Variants in PTPN14 observed in about 807,000 individuals in gnomAD.
PTPN14 encodes the protein tyrosine-protein phosphatase non-receptor type 14.
In PTPN14, 53 loss-of-function variants were observed where a neutral mutation model predicts 126.8. The ratio of observed to expected loss-of-function variants is 0.42; its 90% CI spans 0.34 to 0.53. The LOEUF is 0.53. PTPN14 is among the 20% of genes least tolerant of loss of function. The pLI is 0.08. For missense variants in PTPN14, 1,257 were observed against 1,552.9 expected (o/e 0.81, Z 3.20); for synonymous variants, 630 against 599.3 (o/e 1.05, Z -0.75).
intron 1 of PTPN14, among the ~76,000 whole-genome samples, chr1:214,526,248 G>C (rs929923988): frequency 6.6e-6 from 1 of 152,094 alleles, no homozygotes; most frequent in African/African-American, 2.4e-5. Flanking sequence ...TTACAGGCGT[G>C]AGCCACCACG....
rs140912873 is a variant in PTPN14 at position 214,392,654 on chromosome 1, G to A, written c.929+1041C>T. 2.4e-3 allele frequency among the ~76,000 whole-genome samples: 371 copies of A among 152,240 alleles called. 8 individuals carry two copies. Among genetic ancestry groups the A allele is most frequent in the Admixed American group, 0.018 (277 of 15,290 alleles). On this transcript the variant is annotated intron_variant, in intron 10 of 18. Transcript: ENST00000366956. ...ATGCGAGAATGTGTCTAGAAGAAACGTACAGCCGCTTCACTTGCCACTCCC... is the reference window on the plus strand; with the variant it reads ...ATGCGAGAATGTGTCTAGAAGAAACATACAGCCGCTTCACTTGCCACTCCC...
At chr1:214,438,377 T>A (rs983069701) in intron 3 of PTPN14, among the ~76,000 whole-genome samples, 9 of 152,194 alleles carry the variant, frequency 5.9e-5, no homozygotes, top group African/African-American at 2.2e-4. Flanking sequence ...CTCCCTCATA[T>A]GGGACTGGAA....
In PTPN14 at chr1:214,419,926, C is replaced by T. The variant is rs945730588; in HGVS notation, c.345-5200G>A. Among the ~76,000 whole-genome samples the T allele has an allele frequency of 3.9e-5, 6 of 152,290 alleles. No homozygotes were observed. In the East Asian group the frequency reaches 5.8e-4, roughly 15 times the overall value. ...GTATGCAGGCATGCAACCAGATAAACCTGAATGCCTCCCTCCCTCCATCCC... is the reference window on the plus strand; with the variant it reads ...GTATGCAGGCATGCAACCAGATAAATCTGAATGCCTCCCTCCCTCCATCCC... On this transcript the variant is annotated intron_variant, in intron 3 of 18. Coordinates refer to ENST00000366956, the MANE Select transcript of PTPN14 (RefSeq NM_005401.5).
rs112523432 is a variant in PTPN14, at chr1:214,384,776, T to G, written c.1079A>C (p.His360Pro). 10,341 of 1,611,452 alleles carry G rather than the reference T, an allele frequency of 6.4e-3. 55 individuals are homozygous for G. The highest frequency in any genetic ancestry group is 7.8e-3 in the Non-Finnish European group (9,183 of 1,178,728). Residue 360 changes from histidine to proline, a missense_variant, in exon 13 of 19, where the codon CAT becomes CCT. Physicochemically the swap from His to Pro is moderately conservative, Grantham distance 77 (BLOSUM62 -2). Transcript: ENST00000366956. This position sits in a 1 kb window ranked among gnomAD's most constrained non-coding sequence, Gnocchi z 5.3. ...ETHTSQDSIF[H>P]GNEEALYCNS... is the part of the protein sequence containing the mutation. ...GCAATACAAGGCTTCTTCATTCCCA[T>G]GAAAAATGCTGTCTACAAGAAGTCA...
At chr1:214,542,955 C>G (rs1413220121) in intron 1 of PTPN14, among the ~76,000 whole-genome samples, 1 of 152,066 alleles carries the variant, frequency 6.6e-6, no homozygotes, top group Non-Finnish European at 1.5e-5. Context: ...ACGGTGAGAG[C>G]CAAGCTTGTG....
At chr1:214,420,950 G>A (rs1268588584) in intron 3 of PTPN14, among the ~76,000 whole-genome samples, 1 of 152,228 alleles carries the variant, frequency 6.6e-6, no homozygotes, top group Non-Finnish European at 1.5e-5. Context: ...AAATGAGTCT[G>A]TTTTGATCTG....
At chr1:214,381,321 C>CTAAT (rs1658467338) in intron 13 of PTPN14, among the ~76,000 whole-genome samples, 1 of 152,134 alleles carries the variant, frequency 6.6e-6, no homozygotes, top group African/African-American at 2.4e-5. Flanking sequence ...GTTCTTGATG[C>CTAAT]TAATGTTGCT....
intron 2 of PTPN14, among the ~76,000 whole-genome samples, chr1:214,453,422 C>T (rs2102636984): frequency 6.6e-6 from 1 of 152,322 alleles, no homozygotes; most frequent in African/African-American, 2.4e-5. Context: ...GTCTCAGTAA[C>T]TTTACACAAG....
intron 3 of PTPN14, among the ~76,000 whole-genome samples, chr1:214,427,786 G>GA (rs201161280): frequency 8.0e-5 from 12 of 150,716 alleles, no homozygotes; most frequent in South Asian, 2.1e-4. Flanking sequence ...GCAAAGATCT[G>GA]AAAAAAAAAT....
intron 1 of PTPN14, among the ~76,000 whole-genome samples, chr1:214,540,206 A>C (rs2102481921): frequency 6.6e-6 from 1 of 152,318 alleles, no homozygotes; most frequent in African/African-American, 2.4e-5. Flanking sequence ...GGAGTCTAAA[A>C]GTCAGCCCCA....
chr1:214,424,290 A>AT (rs975709247), intron 3 of PTPN14, among the ~76,000 whole-genome samples: 2 of 149,780 alleles, frequency 1.3e-5, no homozygotes, highest in Admixed American at 6.6e-5. Context: ...GTGAGACTCT[A>AT]TTAAAAAAAA....
intron 18 of PTPN14, among the ~76,000 whole-genome samples, chr1:214,362,075 A>C (rs1229662239): frequency 1.9e-5 from 1 of 51,478 alleles, no homozygotes; most frequent in Non-Finnish European, 3.8e-5. Flanking sequence ...CAGGAGAAAA[A>C]TGGTCCCACA....
At chr1:214,461,056 G>A (rs887688534) in intron 2 of PTPN14, among the ~76,000 whole-genome samples, 2 of 151,958 alleles carry the variant, frequency 1.3e-5, no homozygotes, top group Admixed American at 6.6e-5. Context: ...ACGGGGCCAG[G>A]GGTATATGGA....
chr1:214,384,219 G>C lies in PTPN14; in HGVS notation c.1636C>G (p.Gln546Glu), dbSNP rs1482587888. The C allele has an allele frequency of 1.2e-6, 2 of 1,613,074 alleles. No individual in the cohort carries two copies. Among genetic ancestry groups the C allele is most frequent in the African/African-American group, 2.7e-5 (2 of 74,926 alleles). The change falls in exon 13 of 19, where the codon CAG (glutamine) becomes GAG (glutamate). Residue 546 changes from glutamine (Q) to glutamate (E), a missense_variant. Physicochemically the swap from Gln to Glu is conservative, Grantham distance 29. This residue lies in a region of PTPN14 where 1,021 missense variants were observed against 1,183.3 expected (regional missense o/e 0.86). Coordinates refer to ENST00000366956, the MANE Select transcript of PTPN14 (RefSeq NM_005401.5). The surrounding 1 kb of genome is among the most constrained non-coding windows in gnomAD (Gnocchi z 5.3). ...CTGTAGTTATGGCTGCCCTGCAGCT[G>C]CATGTTGGCCAGCTCTGGGGTGCTC... is the stretch of plus-strand genomic sequence containing the variant. The part of the protein sequence containing the change: ...TVSTPELANM[Q>E]LQGSHNYSTA...
chr1:214,543,461 T>C (rs1419084488), intron 1 of PTPN14, among the ~76,000 whole-genome samples: 1 of 152,216 alleles, frequency 6.6e-6, no homozygotes, highest in Non-Finnish European at 1.5e-5. Context: ...ATATGTATAA[T>C]ACATACTGAT....
chr1:214,505,761 T>C (rs1200917817), intron 1 of PTPN14, among the ~76,000 whole-genome samples: 1 of 152,072 alleles, frequency 6.6e-6, no homozygotes, highest in African/African-American at 2.4e-5. Context: ...GCCGAGGTGG[T>C]GGCATGTGTC....
At chr1:214,442,889 T>C (rs922733902) in intron 3 of PTPN14, among the ~76,000 whole-genome samples, 3 of 151,784 alleles carry the variant, frequency 2.0e-5, no homozygotes, top group Non-Finnish European at 4.4e-5. Flanking sequence ...TATGGTGCGA[T>C]CTCCGCTCAC....
Position 214,349,727 on chromosome 1 carries a change from G to A in PTPN14, c.*8195C>T, listed in dbSNP as rs2102489694. 6.6e-6 allele frequency: 1 copy of A among 152,286 alleles called. No individual in the cohort carries two copies. Among genetic ancestry groups the A allele is most frequent in the African/African-American group, 2.4e-5 (1 of 41,542 alleles). 9.4% of individuals were successfully genotyped at this position (152,286 alleles called of 1,614,324 possible). A position where few individuals can be genotyped will look rare whatever the true frequency, so the allele number is the denominator to read the frequency against. ...CATCTCTGATGAAGAGTAGCTTTAT[G>A]TCAGAAAGGAGAAGGCTAATGAATT... On this transcript the variant is annotated 3_prime_UTR_variant, in exon 19 of 19. Coordinates refer to ENST00000366956, the MANE Select transcript of PTPN14 (RefSeq NM_005401.5).
At chr1:214,504,506 C>A (rs139466875) in intron 1 of PTPN14, among the ~76,000 whole-genome samples, 4 of 152,192 alleles carry the variant, frequency 2.6e-5, no homozygotes, top group African/African-American at 7.2e-5. Context: ...TCCAACTTGA[C>A]GCAAGCAAAT....
Sources: allele counts gnomAD v4.1 joint callset (sites outside exome capture counted in the v4.1 genomes callset), GRCh38; gene constraint gnomAD v4.1.1; regional missense constraint gnomAD v4.1.1; non-coding constraint Gnocchi (gnomAD v3.1); transcripts MANE v1.5; gene names NCBI Gene and HGNC (gene_info 2026-07-23, HGNC 2026-07-21).